Variants in ZNF184 observed in about 807,000 individuals in gnomAD.
ZNF184 encodes the protein zinc finger protein 184.
A neutral mutation model predicts 54.4 loss-of-function variants in ZNF184; 16 were observed. The ratio of observed to expected loss-of-function variants is 0.29; its 90% CI spans 0.20 to 0.45. ZNF184 has a LOEUF of 0.45. ZNF184 is among the 20% of genes least tolerant of loss of function. The probability of loss-of-function intolerance (pLI) is 1.00; values close to 1 mark genes in which losing one functional copy is unlikely to be tolerated. For synonymous variants in ZNF184, 254 were observed against 295.3 expected, an observed-to-expected ratio of 0.86 and a Z score of 1.43; for missense variants, 681 against 888.2, an observed-to-expected ratio of 0.77 and a Z score of 2.97.
rs188119425 is a variant in ZNF184, at chr6:27,451,198, A to T, written c.*105T>A. 4 of 1,361,676 alleles carry T rather than the reference A, an allele frequency of 2.9e-6. No homozygotes were observed. The highest frequency in any genetic ancestry group is 4.0e-6 in the Non-Finnish European group (4 of 1,009,466). 84.3% of individuals were successfully genotyped at this position (1,361,676 alleles called of 1,614,324 possible). A position where few individuals can be genotyped will look rare whatever the true frequency, so the allele number is the denominator to read the frequency against. On this transcript the variant is annotated 3_prime_UTR_variant, in exon 6 of 6. Coordinates refer to ENST00000683788, the MANE Select transcript of ZNF184 (RefSeq NM_001318891.2). The stretch of plus-strand genomic sequence containing the variant: ...TCCATAACATGATAGTGAAAATTTA[A>T]AAGATTTCAAGGCAGTTTCTAAATC...
intron 3 of ZNF184, among the ~76,000 whole-genome samples, chr6:27,460,012 T>C (rs1423283725): frequency 6.6e-6 from 1 of 151,840 alleles, no homozygotes; most frequent in East Asian, 1.9e-4. Context: ...AAGATAAAAA[T>C]AGAAATAAGC....
At chr6:27,421,045 AACAG>A in the ZNF184 span, among the ~76,000 whole-genome samples, 48 of 152,342 alleles carry the variant, frequency 3.2e-4, no homozygotes, top group Admixed American at 2.8e-3. Context: ...AAAAGGCAAA[AACAG>A]ACAGTAAAAA....
the ZNF184 span, among the ~76,000 whole-genome samples, chr6:27,419,489 A>G: frequency 6.6e-6 from 1 of 152,076 alleles, no homozygotes; most frequent in Non-Finnish European, 1.5e-5. This position sits in a 1 kb window ranked among gnomAD's most constrained non-coding sequence, Gnocchi z 4.8. Context: ...GTGATTCTGT[A>G]TACTTTCCCT....
At chr6:27,443,566 T>C in the ZNF184 span, among the ~76,000 whole-genome samples, 1 of 152,094 alleles carries the variant, frequency 6.6e-6, no homozygotes, top group Non-Finnish European at 1.5e-5. Flanking sequence ...ACCTCAGACA[T>C]CCACACCAAT....
At chr6:27,441,768 A>G in the ZNF184 span, among the ~76,000 whole-genome samples, 8 of 152,250 alleles carry the variant, frequency 5.3e-5, no homozygotes, top group South Asian at 2.1e-4. Flanking sequence ...AATAATTGAT[A>G]GGCTGATTCA....
chr6:27,451,334 T>C lies in ZNF184; in HGVS notation c.2225A>G (p.Asn742Ser). 1 of 1,610,202 alleles carries C rather than the reference T, an allele frequency of 6.2e-7. No homozygotes were observed. Among genetic ancestry groups the C allele is most frequent in the Non-Finnish European group, 8.5e-7 (1 of 1,177,990 alleles). ...GKSFRYRSAL[N>S]KHQRLHPGI ...GCCAGGATGCAGTCTCTGATGTTTG[T>C]TGAGAGCAGAGCGATATCTGAAGGA... The change falls in exon 6 of 6, where the codon AAC becomes AGC. Residue 742 changes from asparagine (N) to serine (S), a missense_variant. Physicochemically the swap from Asn to Ser is conservative, Grantham distance 46 (BLOSUM62 1). Transcript: ENST00000683788.
the ZNF184 span, among the ~76,000 whole-genome samples, chr6:27,435,123 C>T: frequency 6.6e-6 from 1 of 151,860 alleles, no homozygotes; most frequent in Non-Finnish European, 1.5e-5. Flanking sequence ...TATTTATTTG[C>T]TATTTGGGGT....
At chr6:27,447,131 AC>A (rs1762647109), downstream of ZNF184, among the ~76,000 whole-genome samples, 1 of 151,974 alleles carries the variant, frequency 6.6e-6, no homozygotes, top group African/African-American at 2.4e-5. Context: ...AAAATAGGTA[AC>A]TTGTTTGATT....
chr6:27,410,111 G>A, the ZNF184 span, among the ~76,000 whole-genome samples: 1 of 152,152 alleles, frequency 6.6e-6, no homozygotes, highest in Admixed American at 6.5e-5. Flanking sequence ...TACCATGTAG[G>A]TTTGTGAAAG....
chr6:27,465,361 T>G lies in ZNF184; in HGVS notation c.75+2492A>C, dbSNP rs868118744. Among the ~76,000 whole-genome samples, 4 of 148,270 alleles carry G rather than the reference T, an allele frequency of 2.7e-5. No homozygotes were observed. In the South Asian group the frequency reaches 8.6e-4, roughly 32 times the overall value. ...TTAGCCAGGCATGGTGGCAGGTGCC[T>G]GTAGTCCTAGCTACTCGGGAGGCTG... On this transcript the variant is annotated intron_variant, in intron 3 of 5. Transcript: ENST00000683788.
At chr6:27,407,818 TTGA>T in the ZNF184 span, 1 of 780,074 alleles carries the variant, frequency 1.3e-6, no homozygotes, top group Non-Finnish European at 2.4e-6. Flanking sequence ...AATTATTTGC[TTGA>T]TGGTTTAGAA....
At chr6:27,427,196 A>T in the ZNF184 span, among the ~76,000 whole-genome samples, 1 of 151,760 alleles carries the variant, frequency 6.6e-6, no homozygotes. Context: ...CTCTGGAAGG[A>T]TGAACAAAAT....
At position 27,458,619 on chromosome 6, in the gene ZNF184, A is replaced by C. The variant is rs112123190; in HGVS notation, c.76-1210T>G. ...AATAACAAATGCTGGCAAGGATACA[A>C]CACTGGTGGGAATGTAAATTAGTAC... is the stretch of plus-strand genomic sequence containing the variant. On this transcript the variant is annotated intron_variant, in intron 3 of 5. Coordinates refer to ENST00000683788, the MANE Select transcript of ZNF184 (RefSeq NM_001318891.2). Among the ~76,000 whole-genome samples the C allele has an allele frequency of 4.5e-4, 69 of 152,168 alleles. 1 individual carries two copies. Among genetic ancestry groups the C allele is most frequent in the African/African-American group, 1.6e-3 (65 of 41,564 alleles).
chr6:27,467,883 TC>T lies in ZNF184; in HGVS notation c.44del (p.Gly15AspfsTer14). 6.2e-7 allele frequency: 1 copy of T among 1,611,724 alleles called. No homozygotes were observed. ...AACTGGCTGATGAGAGTAGATTATG[TC>T]CCCCTTGGAGAAGGGTGGAGTCTGG... ...SSPDSTLLQGGHNLLSSASFQ... is the reference protein window; with the variant it reads ...SSPDSTLLQGXHNLLSSASFQ... On this transcript the variant is annotated frameshift_variant, in exon 3 of 6. Transcript: ENST00000683788. LOFTEE classifies it high-confidence loss of function.
rs576083147 is a variant in ZNF184 at position 27,451,216 on chromosome 6, T to G, written c.*87A>C. 1 of 1,455,946 alleles carries G rather than the reference T, an allele frequency of 6.9e-7. No homozygotes were observed. Among genetic ancestry groups the G allele is most frequent in the South Asian group, 1.4e-5 (1 of 69,218 alleles). The allele number at this position is 1,455,946 out of a possible 1,614,324, so 90.2% of individuals were successfully genotyped here. A position where few individuals can be genotyped will look rare whatever the true frequency, so the allele number is the denominator to read the frequency against. ...AAATTTAAAAGATTTCAAGGCAGTT[T>G]CTAAATCCACTCTGATTCTTCAGTA... is the stretch of plus-strand genomic sequence containing the variant. On this transcript the variant is annotated 3_prime_UTR_variant, in exon 6 of 6. Coordinates refer to ENST00000683788, the MANE Select transcript of ZNF184 (RefSeq NM_001318891.2).
At chr6:27,416,554 G>A in the ZNF184 span, among the ~76,000 whole-genome samples, 2 of 152,104 alleles carry the variant, frequency 1.3e-5, no homozygotes, top group African/African-American at 4.8e-5. Flanking sequence ...TTAGTTTCGG[G>A]TATGAGGATA....
the ZNF184 span, among the ~76,000 whole-genome samples, chr6:27,422,148 AAAAGAAAGAAAGAAAGAAAG>A: frequency 1.2e-4 from 5 of 43,456 alleles, no homozygotes; most frequent in Non-Finnish European, 1.7e-4. Context: ...CTCAAAAAAA[AAAAGAAAGAAAGAAAGAAAG>A]AAAGAAAGAA....
chr6:27,407,966 C>T, the ZNF184 span: 4 of 1,508,184 alleles, frequency 2.7e-6, no homozygotes. Context: ...GATACATTGA[C>T]TATGCTGAAT....
the ZNF184 span, among the ~76,000 whole-genome samples, chr6:27,427,248 G>C: frequency 6.6e-6 from 1 of 152,090 alleles, no homozygotes; most frequent in Non-Finnish European, 1.5e-5. Flanking sequence ...GATGGAGAAC[G>C]GGGTAGGAGT....
Sources: gnomAD v4.1 joint callset for allele counts (sites outside exome capture counted in the v4.1 genomes callset) on GRCh38, gnomAD v4.1.1 for gene constraint, Gnocchi (gnomAD v3.1) non-coding constraint, MANE v1.5 for transcripts, NCBI Gene and HGNC (gene_info 2026-07-23, HGNC 2026-07-21) for gene names.